EPB41L3: variants seen among roughly 807,000 people sequenced by gnomAD.
EPB41L3 encodes erythrocyte membrane protein band 4.1 like 3, also known as band 4.1-like protein 3.
A neutral mutation model predicts 127.1 loss-of-function variants in EPB41L3; 57 were observed. That is an observed-to-expected ratio of 0.45 (90% CI 0.36 to 0.56). The LOEUF is 0.56. Among genes scored for constraint, EPB41L3 ranks in the 20% least tolerant of loss-of-function variants. The pLI is 0.00. For synonymous variants in EPB41L3, 572 were observed against 549.5 expected, an observed-to-expected ratio of 1.04 and a Z score of -0.57; for missense variants, 1,273 against 1,372.2, an observed-to-expected ratio of 0.93 and a Z score of 1.14.
At chr18:5,484,027 C>A (rs1244189558) in intron 2 of EPB41L3, among the ~76,000 whole-genome samples, 1 of 125,288 alleles carries the variant, frequency 8.0e-6, no homozygotes, top group East Asian at 2.5e-4. Context: ...TTCATCAGCA[C>A]ATGGAACACT....
At chr18:5,587,922 TTAAA>T (rs2094454325) in intron 3 of EPB41L3, among the ~76,000 whole-genome samples, 1 of 152,156 alleles carries the variant, frequency 6.6e-6, no homozygotes, top group Non-Finnish European at 1.5e-5. Flanking sequence ...AGAAATAACC[TTAAA>T]TCCCTTAAGA....
intron 3 of EPB41L3, among the ~76,000 whole-genome samples, chr18:5,589,459 T>C (rs1205584499): frequency 6.6e-6 from 1 of 152,204 alleles, no homozygotes; most frequent in Non-Finnish European, 1.5e-5. Flanking sequence ...AGTAATTTAA[T>C]ATATCTTTTT....
chr18:5,629,480 G>A (rs189811015), upstream of EPB41L3, among the ~76,000 whole-genome samples: 462 of 151,102 alleles, frequency 3.1e-3, no homozygotes, highest in African/African-American at 9.3e-3. Context: ...GCCACAAGCC[G>A]GAATGCGGAG....
intron 3 of EPB41L3, among the ~76,000 whole-genome samples, chr18:5,550,576 A>C (rs1242132938): frequency 6.6e-6 from 1 of 152,198 alleles, no homozygotes. Flanking sequence ...CCATCATTCT[A>C]ATATGGGCCA....
intron 16 of EPB41L3, chr18:5,398,620 A>G (rs370075819): frequency 2.5e-5 from 10 of 402,170 alleles, no homozygotes; most frequent in African/African-American, 2.1e-4. Context: ...TGGAATTGCA[A>G]ACTGTGGCCC....
intron 1 of EPB41L3, among the ~76,000 whole-genome samples, chr18:5,504,502 G>A (rs1387823650): frequency 6.6e-6 from 1 of 152,118 alleles, no homozygotes; most frequent in African/African-American, 2.4e-5. Context: ...GATTTCAAGG[G>A]CCATTCACCA....
At chr18:5,400,724 CAATG>C (rs2074369475) in intron 16 of EPB41L3, 1 of 542,806 alleles carries the variant, frequency 1.8e-6, no homozygotes, top group South Asian at 2.0e-5. Flanking sequence ...GAAAGTAAGT[CAATG>C]ACAACATACA....
intron 13 of EPB41L3, among the ~76,000 whole-genome samples, chr18:5,415,316 G>C (rs1264550381): frequency 6.6e-6 from 1 of 152,150 alleles, no homozygotes; most frequent in South Asian, 2.1e-4. Context: ...AGAGGGTGGT[G>C]GGGACATTTC....
intron 13 of EPB41L3, 39 bp from the exon 14 acceptor site, chr18:5,410,658 C>T (rs766242325): frequency 6.3e-7 from 1 of 1,586,362 alleles, no homozygotes; most frequent in Non-Finnish European, 8.6e-7. Context: ...AGGAGGAAGG[C>T]AGGGACAGAA....
At chr18:5,589,065 A>G (rs1420249759) in intron 3 of EPB41L3, among the ~76,000 whole-genome samples, 1 of 152,202 alleles carries the variant, frequency 6.6e-6, no homozygotes, top group Non-Finnish European at 1.5e-5. Context: ...TGTTCCCACA[A>G]ATAATTAAAT....
chr18:5,463,395 T>A (rs1009051107), intron 3 of EPB41L3, among the ~76,000 whole-genome samples: 4 of 152,162 alleles, frequency 2.6e-5, no homozygotes, highest in African/African-American at 9.7e-5. Flanking sequence ...ATAAAGTAGA[T>A]CCTACTCCTG....
At chr18:5,573,962 G>A (rs1310295098) in intron 3 of EPB41L3, among the ~76,000 whole-genome samples, 1 of 150,086 alleles carries the variant, frequency 6.7e-6, no homozygotes, top group African/African-American at 2.5e-5. Context: ...CCAGGCTGGA[G>A]TGCAATGGCA....
chr18:5,483,996 A>G (rs1186614677), intron 2 of EPB41L3, among the ~76,000 whole-genome samples: 3 of 147,886 alleles, frequency 2.0e-5, no homozygotes, highest in Non-Finnish European at 4.5e-5. Context: ...ATTTCACCCA[A>G]CTGCTGCAGA....
At chr18:5,430,582 AG>A (rs1327210841) in intron 8 of EPB41L3, among the ~76,000 whole-genome samples, 1 of 140,444 alleles carries the variant, frequency 7.1e-6, no homozygotes, top group African/African-American at 2.7e-5. Flanking sequence ...TTTTTTTTTG[AG>A]GCAGGGTCTC....
At chr18:5,576,637 C>T (rs936478713) in intron 3 of EPB41L3, among the ~76,000 whole-genome samples, 2 of 152,210 alleles carry the variant, frequency 1.3e-5, no homozygotes, top group East Asian at 3.9e-4. Flanking sequence ...ACTAAGAGAC[C>T]CATACGTAAG....
chr18:5,464,953 C>T (rs999844981), intron 3 of EPB41L3, among the ~76,000 whole-genome samples: 1 of 152,224 alleles, frequency 6.6e-6, no homozygotes, highest in Non-Finnish European at 1.5e-5. Flanking sequence ...ACTATACCTA[C>T]TTGTTCCCTA....
intron 3 of EPB41L3, chr18:5,610,370 G>A: frequency 1.1e-6 from 1 of 890,460 alleles, no homozygotes; most frequent in Admixed American, 6.2e-5. Flanking sequence ...GGGAGTTAAG[G>A]AGAAAGTTTC....
At chr18:5,439,086 T>C (rs1304451695) in intron 5 of EPB41L3, among the ~76,000 whole-genome samples, 5 of 152,196 alleles carry the variant, frequency 3.3e-5, no homozygotes, top group Admixed American at 3.3e-4. Context: ...CTCTTCTCTG[T>C]GGTGCTGTTC....
chr18:5,621,134 G>T (rs2094856614), intron 1 of EPB41L3, among the ~76,000 whole-genome samples: 1 of 152,110 alleles, frequency 6.6e-6, no homozygotes, highest in Admixed American at 6.5e-5. Flanking sequence ...TCTCTGCTGG[G>T]TGCTGGCCAC....
Sources: gnomAD v4.1 joint callset for allele counts (sites outside exome capture counted in the v4.1 genomes callset) on GRCh38, gnomAD v4.1.1 for gene constraint, MANE v1.5 for transcripts, NCBI Gene and HGNC (gene_info 2026-07-23, HGNC 2026-07-21) for gene names.